The following MBNL1 variants were observed in gnomAD, a reference collection of about 807,000 sequenced individuals.
MBNL1 encodes the protein muscleblind like splicing regulator 1.
In MBNL1, 8 loss-of-function variants were observed where a neutral mutation model predicts 42.2. The observed-to-expected ratio is 0.19, with a 90% CI of 0.11 to 0.34. The LOEUF (loss-of-function observed/expected upper bound fraction) is 0.34, where lower values mean the gene tolerates loss of function less well. Ranked by LOEUF, MBNL1 falls within the 10% of genes least tolerant of loss-of-function variation. The pLI is 1.00. For synonymous variants in MBNL1, 169 were observed against 173.9 expected (o/e 0.97, Z 0.22); for missense variants, 309 against 495.3 (o/e 0.62, Z 3.57).
intron 2 of MBNL1, among the ~76,000 whole-genome samples, chr3:152,413,782 G>T (rs2098643233): frequency 6.6e-6 from 1 of 152,138 alleles, no homozygotes. Context: ...GGTGAAAGAA[G>T]TTGTCAAGGT....
chr3:152,293,096 C>T (rs1177098823), intron 1 of MBNL1, among the ~76,000 whole-genome samples: 1 of 152,148 alleles, frequency 6.6e-6, no homozygotes, highest in East Asian at 1.9e-4. Context: ...ACTTTAATTT[C>T]TTCCTAAGTT....
chr3:152,344,696 GA>G lies in MBNL1; in HGVS notation c.174+44333del, dbSNP rs1443711969. Among the ~76,000 whole-genome samples, 6 of 152,046 alleles carry G rather than the reference GA, an allele frequency of 3.9e-5. 1 individual carries two copies. The South Asian group carries it at 8.3e-4, about 21-fold the overall frequency. ...TACACATTTAAACATTTTCGCTTTC[GA>G]AAACATACATTGTTGTGAAAGTAAA... On this transcript the variant is annotated intron_variant, in intron 2 of 9. Transcript: ENST00000324210.
intron 2 of MBNL1, among the ~76,000 whole-genome samples, chr3:152,345,483 C>G (rs1216456429): frequency 1.3e-5 from 2 of 152,000 alleles, no homozygotes; most frequent in Non-Finnish European, 1.5e-5. Flanking sequence ...TCTTGATTTC[C>G]TATGTGGAAA....
intron 6 of MBNL1, among the ~76,000 whole-genome samples, chr3:152,451,695 CA>C (rs1723285425): frequency 6.6e-6 from 1 of 152,120 alleles, no homozygotes; most frequent in African/African-American, 2.4e-5. Flanking sequence ...CCTTCAGTTC[CA>C]AACGCTACAA....
At chr3:152,252,832 A>C (rs1055208767) in intron 2 of MBNL1, among the ~76,000 whole-genome samples, 1 of 152,080 alleles carries the variant, frequency 6.6e-6, no homozygotes, top group Non-Finnish European at 1.5e-5. Context: ...AGCTAAAAAA[A>C]TTTTCACTCT....
intron 2 of MBNL1, among the ~76,000 whole-genome samples, chr3:152,324,104 AGAAATCGTTTAGCAG>A (rs2078045276): frequency 2.0e-5 from 3 of 152,130 alleles, no homozygotes; most frequent in South Asian, 2.1e-4. Flanking sequence ...CCCTTGAGGG[AGAAATCGTTTAGCAG>A]GAAATCACTT....
At chr3:152,451,613 A>G (rs764530391) in intron 6 of MBNL1, among the ~76,000 whole-genome samples, 4 of 152,216 alleles carry the variant, frequency 2.6e-5, no homozygotes, top group Admixed American at 1.3e-4. Flanking sequence ...TCTAGTATCT[A>G]GAAATATTTT....
At chr3:152,300,402 A>G (rs370778181) in intron 2 of MBNL1, 35 bp downstream of exon 2, 155 of 1,544,398 alleles carry the variant, frequency 1.0e-4, no homozygotes, top group African/African-American at 5.3e-4. Context: ...AGGATATTCA[A>G]TGATTGAATG....
intron 3 of MBNL1, among the ~76,000 whole-genome samples, chr3:152,429,103 A>G (rs1056146248): frequency 1.3e-5 from 2 of 152,196 alleles, no homozygotes; most frequent in Admixed American, 1.3e-4. Flanking sequence ...ACACAAAAGA[A>G]AAGAAAATTA....
At chr3:152,304,780 A>G (rs2062225459) in intron 2 of MBNL1, among the ~76,000 whole-genome samples, 1 of 152,242 alleles carries the variant, frequency 6.6e-6, no homozygotes, top group South Asian at 2.1e-4. Context: ...CAACTCTGAC[A>G]TAAACCTTTC....
intron 2 of MBNL1, chr3:152,338,393 G>C: frequency 1.0e-6 from 1 of 985,314 alleles, no homozygotes; most frequent in Non-Finnish European, 1.2e-6. Flanking sequence ...TGTGAAAGCG[G>C]GGAATATTCC....
intron 2 of MBNL1, among the ~76,000 whole-genome samples, chr3:152,254,511 C>T (rs1334858883): frequency 6.6e-6 from 1 of 152,044 alleles, no homozygotes; most frequent in African/African-American, 2.4e-5. Context: ...TCCTGATTAG[C>T]CATCTGCCTA....
intron 6 of MBNL1, among the ~76,000 whole-genome samples, chr3:152,452,274 A>G (rs1724823462): frequency 6.6e-6 from 1 of 152,228 alleles, no homozygotes. Flanking sequence ...TGTAAGAAAT[A>G]CCACTTTCCT....
chr3:152,336,423 G>A (rs1261483548), intron 2 of MBNL1, among the ~76,000 whole-genome samples: 1 of 152,056 alleles, frequency 6.6e-6, no homozygotes, highest in Admixed American at 6.5e-5. Context: ...CTGCCATAGA[G>A]GCTTACACAA....
intron 2 of MBNL1, among the ~76,000 whole-genome samples, chr3:152,412,817 A>G (rs187577684): frequency 1.3e-5 from 2 of 152,164 alleles, no homozygotes; most frequent in East Asian, 1.9e-4. Context: ...AGGGCTATCT[A>G]TCTACTATTT....
In MBNL1 at chr3:152,369,824, G is replaced by A. The variant is rs1341739464; in HGVS notation, c.175-45117G>A. On this transcript the variant is annotated intron_variant, in intron 2 of 9. Coordinates refer to ENST00000324210, the MANE Select transcript of MBNL1 (RefSeq NM_021038.5). Reference sequence around the variant, plus strand: ...GACGTATTTATAGCATTCTCTGATTGTAAACTGTATTTCTTTGGGATCAGT... The same window carrying A: ...GACGTATTTATAGCATTCTCTGATTATAAACTGTATTTCTTTGGGATCAGT... Among the ~76,000 whole-genome samples, 4 of 152,244 alleles carry A rather than the reference G, an allele frequency of 2.6e-5. No homozygotes were observed. In the East Asian group the frequency reaches 5.8e-4, roughly 22 times the overall value.
intron 2 of MBNL1, among the ~76,000 whole-genome samples, chr3:152,353,947 A>G (rs554070393): frequency 6.6e-6 from 1 of 152,222 alleles, no homozygotes; most frequent in East Asian, 1.9e-4. Flanking sequence ...TTAGGACCTA[A>G]TCCCCTAGTT....
At position 152,462,744 on chromosome 3, in the gene MBNL1, G is replaced by A. The variant is rs1580979010; in HGVS notation, c.*378G>A. 6.6e-6 allele frequency: 1 copy of A among 152,200 alleles called. No individual in the cohort carries two copies. The highest frequency in any genetic ancestry group is 1.9e-4 in the East Asian group (1 of 5,186). 9.4% of individuals were successfully genotyped at this position (152,200 alleles called of 1,614,324 possible). On this transcript the variant is annotated 3_prime_UTR_variant, in exon 10 of 10. Coordinates refer to ENST00000324210, the MANE Select transcript of MBNL1 (RefSeq NM_021038.5). ...TATGGTGTAACCATGATTCTATTAT[G>A]TATTGGTACGTCTGTAGACCAAGAT...
chr3:152,441,923 G>A (rs1488240934), intron 4 of MBNL1, among the ~76,000 whole-genome samples: 1 of 152,102 alleles, frequency 6.6e-6, no homozygotes, highest in African/African-American at 2.4e-5. Flanking sequence ...CTCCTGAGTA[G>A]CTAGGATTAC....
Sources: gnomAD v4.1 joint callset for allele counts (sites outside exome capture counted in the v4.1 genomes callset) on GRCh38, gnomAD v4.1.1 for gene constraint, MANE v1.5 for transcripts, NCBI Gene and HGNC (gene_info 2026-07-23, HGNC 2026-07-21) for gene names.